UBTD2: variants seen among roughly 807,000 people sequenced by gnomAD.
UBTD2 encodes the protein ubiquitin domain containing 2.
In UBTD2, 9 loss-of-function variants were observed where a neutral mutation model predicts 19.8. The ratio of observed to expected loss-of-function variants is 0.46; its 90% confidence interval spans 0.27 to 0.79. The LOEUF is 0.79. Among genes scored for constraint, UBTD2 ranks in the 30% least tolerant of loss-of-function variants. The pLI is 0.14. For missense variants in UBTD2, 250 were observed against 300.4 expected, an observed-to-expected ratio of 0.83 and a Z score of 1.24; for synonymous variants, 98 against 103.9, an observed-to-expected ratio of 0.94 and a Z score of 0.35.
At position 172,212,109 on chromosome 5, in the gene UBTD2, A is replaced by C; in HGVS notation, c.426T>G (p.Pro142=). ...CATATCCAGAATTGGGTGGTGGCTC[A>C]GGAATATCCAGAGTCTCTATGTCGC... is the stretch of plus-strand genomic sequence containing the variant. The part of the protein sequence containing the change: ...EKSDIETLDI[P]EPPPNSGYEC... Residue 142 remains proline, a synonymous_variant, in exon 3 of 3, where the codon CCT becomes CCG. Coordinates refer to ENST00000393792, the MANE Select transcript of UBTD2 (RefSeq NM_152277.3). 1 of 1,614,240 alleles carries C rather than the reference A, an allele frequency of 6.2e-7. No homozygotes were observed.
intron 1 of UBTD2, among the ~76,000 whole-genome samples, chr5:172,270,571 G>C (rs1292159055): frequency 2.6e-5 from 4 of 151,860 alleles, no homozygotes; most frequent in Non-Finnish European, 5.9e-5. Flanking sequence ...GGCTGGGATG[G>C]TCTCAATCTC....
intron 1 of UBTD2, among the ~76,000 whole-genome samples, chr5:172,249,332 G>A (rs1489538642): frequency 6.7e-6 from 1 of 148,230 alleles, no homozygotes; most frequent in Non-Finnish European, 1.5e-5. Context: ...CCAGGAGGAG[G>A]AGGTTGCAGT....
chr5:172,280,755 A>G (rs1425894826), intron 1 of UBTD2, among the ~76,000 whole-genome samples: 1 of 152,240 alleles, frequency 6.6e-6, no homozygotes. Context: ...AGGAAAATAC[A>G]ACAATTAATC....
At chr5:172,240,274 G>A (rs7719156) in intron 1 of UBTD2, among the ~76,000 whole-genome samples, 49,063 of 151,924 alleles carry the variant, frequency 0.32, 8,003 homozygotes, top group South Asian at 0.42. Context: ...CAACTTATAA[G>A]TACTTAGCAT....
intron 2 of UBTD2, among the ~76,000 whole-genome samples, chr5:172,229,671 T>C (rs986595809): frequency 1.3e-5 from 2 of 151,864 alleles, no homozygotes; most frequent in Non-Finnish European, 2.9e-5. Flanking sequence ...AGGAAGGGAG[T>C]AGGCAATTCC....
chr5:172,262,819 A>C (rs1755299916), intron 1 of UBTD2, among the ~76,000 whole-genome samples: 1 of 152,204 alleles, frequency 6.6e-6, no homozygotes, highest in Admixed American at 6.5e-5. Flanking sequence ...ATCTCAAAAA[A>C]AAGTATCGTT....
intron 1 of UBTD2, among the ~76,000 whole-genome samples, chr5:172,244,075 T>C (rs1315613278): frequency 6.6e-6 from 1 of 152,068 alleles, no homozygotes; most frequent in Non-Finnish European, 1.5e-5. Context: ...ATGCCTAATC[T>C]TCCTACATAT....
intron 1 of UBTD2, among the ~76,000 whole-genome samples, chr5:172,241,800 A>G (rs1489702865): frequency 6.6e-6 from 1 of 152,130 alleles, no homozygotes; most frequent in Non-Finnish European, 1.5e-5. Context: ...GGATCACCTG[A>G]GCCCAGGAGT....
At chr5:172,226,487 T>C (rs1010668215) in intron 2 of UBTD2, among the ~76,000 whole-genome samples, 2 of 152,184 alleles carry the variant, frequency 1.3e-5, no homozygotes, top group African/African-American at 4.8e-5. Flanking sequence ...AACAAATCCA[T>C]AGAAAACACA....
intron 1 of UBTD2, among the ~76,000 whole-genome samples, chr5:172,235,381 C>G (rs1269716003): frequency 6.6e-6 from 1 of 152,178 alleles, no homozygotes. Flanking sequence ...CTCTAGCATT[C>G]TACTCTCTGG....
At chr5:172,226,603 T>C (rs1771770896) in intron 2 of UBTD2, among the ~76,000 whole-genome samples, 1 of 152,216 alleles carries the variant, frequency 6.6e-6, no homozygotes, top group South Asian at 2.1e-4. Context: ...TCATAAAATT[T>C]GAGTCCATGG....
At chr5:172,245,343 AAAG>A (rs1021797614) in intron 1 of UBTD2, among the ~76,000 whole-genome samples, 4 of 152,174 alleles carry the variant, frequency 2.6e-5, no homozygotes, top group African/African-American at 4.8e-5. Context: ...AGAAACAGCT[AAAG>A]AAGAGAATAC....
chr5:172,241,097 T>C (rs1374091047), intron 1 of UBTD2, among the ~76,000 whole-genome samples: 2 of 151,740 alleles, frequency 1.3e-5, no homozygotes, highest in African/African-American at 2.4e-5. Flanking sequence ...TCTCAATTCA[T>C]GAGAAAGAAG....
At chr5:172,259,265 C>A (rs1308819544) in intron 1 of UBTD2, among the ~76,000 whole-genome samples, 4 of 152,072 alleles carry the variant, frequency 2.6e-5, no homozygotes, top group Non-Finnish European at 5.9e-5. Context: ...GCCTCAGCCT[C>A]CCCAGTAGCT....
chr5:172,226,952 C>G (rs1401721448), intron 2 of UBTD2, among the ~76,000 whole-genome samples: 1 of 152,128 alleles, frequency 6.6e-6, no homozygotes, highest in Non-Finnish European at 1.5e-5. Flanking sequence ...ATATGATAGG[C>G]AAATCATGAT....
intron 2 of UBTD2, among the ~76,000 whole-genome samples, chr5:172,231,530 C>A (rs1316761044): frequency 6.6e-6 from 1 of 152,036 alleles, no homozygotes; most frequent in Non-Finnish European, 1.5e-5. Context: ...TGATCTGAGC[C>A]CACATCCAGT....
At chr5:172,235,946 G>T (rs1351929540) in intron 1 of UBTD2, among the ~76,000 whole-genome samples, 1 of 152,208 alleles carries the variant, frequency 6.6e-6, no homozygotes, top group Non-Finnish European at 1.5e-5. Flanking sequence ...ATATTTAATT[G>T]CAGAAAGAAT....
intron 2 of UBTD2, among the ~76,000 whole-genome samples, chr5:172,230,697 T>G (rs1771871495): frequency 6.6e-6 from 1 of 151,958 alleles, no homozygotes; most frequent in Admixed American, 6.6e-5. Flanking sequence ...GTCTATGTAA[T>G]AATTTAAACT....
intron 2 of UBTD2, among the ~76,000 whole-genome samples, chr5:172,227,094 T>G (rs1435268484): frequency 6.6e-6 from 1 of 152,118 alleles, no homozygotes; most frequent in East Asian, 1.9e-4. Context: ...TGATCTGGCT[T>G]TACAGAAGTA....
Sources: allele counts gnomAD v4.1 joint callset (sites outside exome capture counted in the v4.1 genomes callset), GRCh38; gene constraint gnomAD v4.1.1; transcripts MANE v1.5; gene names NCBI Gene and HGNC (gene_info 2026-07-23, HGNC 2026-07-21).